The following CHST12 variants were observed in gnomAD, a reference collection of about 807,000 sequenced individuals.
CHST12 encodes carbohydrate sulfotransferase 12, also known as carbohydrate (chondroitin 4) sulfotransferase 12.
CHST12 carries 23 observed loss-of-function variants against 27.9 expected under a neutral mutation model. That is an observed-to-expected ratio of 0.82 (90% CI 0.59 to 1.17). The LOEUF is 1.17. CHST12 is among the 50% of genes most tolerant of loss of function. The pLI is 0.00. For missense variants in CHST12, 682 were observed against 603.0 expected, an observed-to-expected ratio of 1.13 and a Z score of -1.37; for synonymous variants, 322 against 273.0, an observed-to-expected ratio of 1.18 and a Z score of -1.77.
chr7:2,445,648 T>A lies in CHST12; in HGVS notation c.*11764T>A, dbSNP rs1782734581. ...GGTTTTCCCATGTTGGCCAGGCCGGTCTCGAACTCCTGACCTCGTGATCTG... is the reference window on the plus strand; with the variant it reads ...GGTTTTCCCATGTTGGCCAGGCCGGACTCGAACTCCTGACCTCGTGATCTG... On this transcript the variant is annotated 3_prime_UTR_variant, in exon 2 of 2. Coordinates refer to ENST00000618655, the MANE Select transcript of CHST12 (RefSeq NM_018641.5). 1 of 152,194 alleles carries A rather than the reference T, an allele frequency of 6.6e-6. No homozygotes were observed. Among genetic ancestry groups the A allele is most frequent in the African/African-American group, 2.4e-5 (1 of 41,410 alleles). The allele number at this position is 152,194 out of a possible 1,614,324, so 9.4% of individuals were successfully genotyped here.
At chr7:2,421,064 AT>A (rs937140890) in intron 1 of CHST12, among the ~76,000 whole-genome samples, 20 of 141,616 alleles carry the variant, frequency 1.4e-4, no homozygotes, top group East Asian at 2.1e-4. Context: ...TTCTGTGTTA[AT>A]TTTTTTTTTT....
At chr7:2,422,689 C>T (rs997705884) in intron 1 of CHST12, among the ~76,000 whole-genome samples, 1 of 152,010 alleles carries the variant, frequency 6.6e-6, no homozygotes. Flanking sequence ...GCACACACCA[C>T]CACACCCAGC....
chr7:2,433,317 C>T lies in CHST12; in HGVS notation c.678C>T (p.Leu226=), dbSNP rs1300226497. 3.1e-6 allele frequency: 5 copies of T among 1,612,618 alleles called. No homozygotes were observed. Among genetic ancestry groups the T allele is most frequent in the Non-Finnish European group, 4.2e-6 (5 of 1,179,696 alleles). The part of the protein sequence containing the change: ...FNKFWRRYGK[L]SRHLMKVKLK... ...AGTTCTGGCGCCGCTACGGGAAGCTCTCCCGCCACCTCATGAAGGTCAAGC... is the reference window on the plus strand; with the variant it reads ...AGTTCTGGCGCCGCTACGGGAAGCTTTCCCGCCACCTCATGAAGGTCAAGC... Residue 226 remains leucine (L), a synonymous_variant, in exon 2 of 2, where the codon CTC becomes CTT. Transcript: ENST00000618655. The surrounding 1 kb of genome is among the most constrained non-coding windows in gnomAD (Gnocchi z 6.1).
rs1456517579 is a variant in CHST12 at position 2,403,688 on chromosome 7, G to GGGC, written c.-78+21_-78+23dup. On this transcript the variant is annotated intron_variant, in intron 1 of 1. Coordinates refer to ENST00000618655, the MANE Select transcript of CHST12 (RefSeq NM_018641.5). Reference sequence around the variant, plus strand: ...AGGGTCGCGAGGTGAGGGGCGCGGCGGGCGGCGGGCTCGGGGCGCGGTCTC... The same window carrying GGGC: ...AGGGTCGCGAGGTGAGGGGCGCGGCGGGCGGCGGCGGGCTCGGGGCGCGGTCTC... The GGGC allele has an allele frequency of 6.6e-6, 1 of 152,516 alleles. No individual in the cohort carries two copies. Among genetic ancestry groups the GGGC allele is most frequent in the East Asian group, 1.9e-4 (1 of 5,158 alleles). The allele number at this position is 152,516 out of a possible 1,614,324, so 9.4% of individuals were successfully genotyped here.
At chr7:2,405,730 A>G (rs560594480) in intron 1 of CHST12, among the ~76,000 whole-genome samples, 2 of 152,250 alleles carry the variant, frequency 1.3e-5, no homozygotes, top group South Asian at 4.2e-4. Context: ...GACCTGTAAC[A>G]GCGAGGGCAG....
intron 1 of CHST12, among the ~76,000 whole-genome samples, chr7:2,410,111 G>T (rs989260485): frequency 6.6e-6 from 1 of 152,072 alleles, no homozygotes; most frequent in African/African-American, 2.4e-5. Context: ...TTTCCAAGGG[G>T]GTTTTAAAAC....
intron 1 of CHST12, among the ~76,000 whole-genome samples, chr7:2,429,561 A>C (rs1782221015): frequency 6.6e-6 from 1 of 152,110 alleles, no homozygotes; most frequent in African/African-American, 2.4e-5. Flanking sequence ...TTACGTTACA[A>C]ATTTAGTTTC....
At chr7:2,415,712 A>G (rs990758375) in intron 1 of CHST12, among the ~76,000 whole-genome samples, 5 of 150,922 alleles carry the variant, frequency 3.3e-5, no homozygotes, top group African/African-American at 2.4e-5. Flanking sequence ...TCCCGGGTTC[A>G]CGCCATTCTC....
chr7:2,406,393 G>A (rs546459841), intron 1 of CHST12, among the ~76,000 whole-genome samples: 1 of 142,256 alleles, frequency 7.0e-6, no homozygotes, highest in Admixed American at 7.2e-5. Context: ...AGTATGGGGT[G>A]GGGGCACAGT....
rs1256036247 is a variant in CHST12 at position 2,443,805 on chromosome 7, A to G, written c.*9921A>G. On this transcript the variant is annotated 3_prime_UTR_variant, in exon 2 of 2. Coordinates refer to ENST00000618655, the MANE Select transcript of CHST12 (RefSeq NM_018641.5). ...GGCCAGGGTGGTTTCCGGAGGGTCCACCGGTGGTCTCATCTCTTCTCTCTC... is the reference window on the plus strand; with the variant it reads ...GGCCAGGGTGGTTTCCGGAGGGTCCGCCGGTGGTCTCATCTCTTCTCTCTC... 6.6e-6 allele frequency: 1 copy of G among 152,086 alleles called. No homozygotes were observed. The highest frequency in any genetic ancestry group is 1.9e-4 in the East Asian group (1 of 5,176). 9.4% of individuals were successfully genotyped at this position (152,086 alleles called of 1,614,324 possible). A position where few individuals can be genotyped will look rare whatever the true frequency, so the allele number is the denominator to read the frequency against.
At chr7:2,408,260 G>T (rs1781572720) in intron 1 of CHST12, among the ~76,000 whole-genome samples, 1 of 151,300 alleles carries the variant, frequency 6.6e-6, no homozygotes, top group African/African-American at 2.4e-5. Context: ...TGCCCAGGAG[G>T]CTGAGACAGG....
At chr7:2,404,668 T>A (rs764988195) in intron 1 of CHST12, among the ~76,000 whole-genome samples, 47 of 152,250 alleles carry the variant, frequency 3.1e-4, no homozygotes, top group Non-Finnish European at 6.2e-4. Flanking sequence ...TGAGTGAGGA[T>A]GGAGAGAAAA....
Position 2,433,557 on chromosome 7 carries a change from C to T in CHST12, c.918C>T (p.Tyr306=). ...LKVSFANFIQ[Y]LLDPHTEKLA... is the part of the protein sequence containing the mutation. ...TGTCCTTCGCCAACTTCATCCAGTA[C>T]CTGCTGGACCCGCACACGGAGAAGC... The change falls in exon 2 of 2, where the codon TAC becomes TAT. Residue 306 remains tyrosine, a synonymous_variant. Coordinates refer to ENST00000618655, the MANE Select transcript of CHST12 (RefSeq NM_018641.5). This position sits in a 1 kb window ranked among gnomAD's most constrained non-coding sequence, Gnocchi z 6.1. The T allele has an allele frequency of 1.2e-6, 2 of 1,613,476 alleles. No homozygotes were observed. Among genetic ancestry groups the T allele is most frequent in the Non-Finnish European group, 1.7e-6 (2 of 1,179,970 alleles).
intron 1 of CHST12, among the ~76,000 whole-genome samples, chr7:2,415,769 C>T (rs754087853): frequency 2.9e-4 from 44 of 151,996 alleles, no homozygotes; most frequent in Non-Finnish European, 5.1e-4. Context: ...CCCGCCACCA[C>T]GCCTGGCTAA....
chr7:2,432,543 G>A lies in CHST12; in HGVS notation c.-77-20G>A. On this transcript the variant is annotated intron_variant, in intron 1 of 1. Coordinates refer to ENST00000618655, the MANE Select transcript of CHST12 (RefSeq NM_018641.5). ...CCCAGTGCACCTCAGTCATTAACTA[G>A]TGTGTCATTGCATCTGCAGGTTCCC... 1.5e-6 allele frequency: 2 copies of A among 1,337,768 alleles called. No individual in the cohort carries two copies. Among genetic ancestry groups the A allele is most frequent in the South Asian group, 1.4e-5 (1 of 71,806 alleles). The allele number at this position is 1,337,768 out of a possible 1,614,324, so 82.9% of individuals were successfully genotyped here.
intron 1 of CHST12, among the ~76,000 whole-genome samples, chr7:2,408,090 C>T (rs1325554676): frequency 6.6e-6 from 1 of 152,012 alleles, no homozygotes; most frequent in Non-Finnish European, 1.5e-5. Context: ...AGTTCAGAGG[C>T]CAGGCGCTGT....
At chr7:2,426,633 T>G (rs537725028) in intron 1 of CHST12, among the ~76,000 whole-genome samples, 2 of 144,768 alleles carry the variant, frequency 1.4e-5, no homozygotes, top group East Asian at 4.0e-4. Flanking sequence ...TAGCTGTAGG[T>G]TTTTTTTTTT....
chr7:2,417,098 G>A (rs762373812), intron 1 of CHST12, among the ~76,000 whole-genome samples: 2 of 152,080 alleles, frequency 1.3e-5, no homozygotes, highest in Non-Finnish European at 2.9e-5. Flanking sequence ...ACACAATTAC[G>A]GAGGCTGAGA....
At chr7:2,414,440 T>G (rs1466830690) in intron 1 of CHST12, among the ~76,000 whole-genome samples, 1 of 151,950 alleles carries the variant, frequency 6.6e-6, no homozygotes, top group Non-Finnish European at 1.5e-5. Context: ...CTTGCCCCCA[T>G]GCCCGGCTAA....
Sources: gnomAD v4.1 joint callset for allele counts (sites outside exome capture counted in the v4.1 genomes callset) on GRCh38, gnomAD v4.1.1 for gene constraint, Gnocchi (gnomAD v3.1) non-coding constraint, MANE v1.5 for transcripts, NCBI Gene and HGNC (gene_info 2026-07-23, HGNC 2026-07-21) for gene names.